EPG5: variants seen among roughly 807,000 people sequenced by gnomAD.
EPG5 encodes the protein ectopic P granules protein 5 homolog.
A neutral mutation model predicts 302.7 loss-of-function variants in EPG5; 159 were observed. That is an observed-to-expected ratio of 0.53 (90% CI 0.46 to 0.60). The LOEUF (loss-of-function observed/expected upper bound fraction) is 0.60. Ranked by LOEUF, EPG5 falls within the 20% of genes least tolerant of loss-of-function variation. The pLI is 0.00. For missense variants in EPG5, 2,896 were observed against 3,092.4 expected (o/e 0.94, Z 1.51); for synonymous variants, 1,158 against 1,136.8 (o/e 1.02, Z -0.37).
At chr18:45,812,791 A>T in the EPG5 span, among the ~76,000 whole-genome samples, 1 of 152,194 alleles carries the variant, frequency 6.6e-6, no homozygotes, top group East Asian at 1.9e-4. Context: ...AAGACATAAA[A>T]GTTAGACCTA....
At chr18:45,924,629 A>G (rs1271264237) in intron 14 of EPG5, among the ~76,000 whole-genome samples, 1 of 152,248 alleles carries the variant, frequency 6.6e-6, no homozygotes, top group Non-Finnish European at 1.5e-5. Context: ...GTCTTTTAAC[A>G]GTGAAAATCA....
chr18:45,825,761 G>T, the EPG5 span: 1 of 1,614,236 alleles, frequency 6.2e-7, no homozygotes, highest in East Asian at 2.2e-5. Context: ...TGGCCTGCTT[G>T]GCGTGGGTTC....
intron 16 of EPG5, among the ~76,000 whole-genome samples, chr18:45,920,380 A>T (rs1486948164): frequency 6.6e-6 from 1 of 152,240 alleles, no homozygotes; most frequent in Non-Finnish European, 1.5e-5. Context: ...AAGTAACTGT[A>T]AGAGGAACAC....
chr18:45,823,889 T>G, the EPG5 span, among the ~76,000 whole-genome samples: 1 of 152,212 alleles, frequency 6.6e-6, no homozygotes, highest in African/African-American at 2.4e-5. Context: ...GGATGCCAAG[T>G]GGCGCTCTAG....
At chr18:45,800,703 C>T in the EPG5 span, among the ~76,000 whole-genome samples, 1 of 152,216 alleles carries the variant, frequency 6.6e-6, no homozygotes, top group African/African-American at 2.4e-5. Context: ...GTGCTGTCTT[C>T]TCTGCCTGGG....
intron 39 of EPG5, among the ~76,000 whole-genome samples, chr18:45,861,952 A>G (rs2048645107): frequency 6.6e-6 from 1 of 151,972 alleles, no homozygotes; most frequent in African/African-American, 2.4e-5. Flanking sequence ...CCTATTCTAC[A>G]TTTCTTTTTC....
At chr18:45,892,792 A>G (rs536023576) in intron 27 of EPG5, among the ~76,000 whole-genome samples, 5 of 152,350 alleles carry the variant, frequency 3.3e-5, no homozygotes, top group African/African-American at 1.2e-4. Context: ...TTTCCAGGAC[A>G]TTCTTTCCCA....
intron 9 of EPG5, among the ~76,000 whole-genome samples, chr18:45,941,870 T>A (rs911777708): frequency 1.1e-4 from 16 of 152,164 alleles, no homozygotes; most frequent in African/African-American, 3.9e-4. Flanking sequence ...TCACCAGCCA[T>A]CCTCCCTCCC....
At chr18:45,809,054 T>A in the EPG5 span, among the ~76,000 whole-genome samples, 1 of 152,188 alleles carries the variant, frequency 6.6e-6, no homozygotes, top group Non-Finnish European at 1.5e-5. Flanking sequence ...AGACATTTCA[T>A]GCAAATTGAC....
intron 22 of EPG5, among the ~76,000 whole-genome samples, chr18:45,911,597 G>A (rs139353820): frequency 6.5e-4 from 99 of 151,714 alleles, no homozygotes; most frequent in Non-Finnish European, 1.2e-3. Context: ...TGGCCGTGCT[G>A]GGCCAAGTTT....
rs558666974 is a variant in EPG5 at position 45,886,106 on chromosome 18, C to T, written c.5110-1295G>A. On this transcript the variant is annotated intron_variant, in intron 29 of 43. Coordinates refer to ENST00000282041, the MANE Select transcript of EPG5 (RefSeq NM_020964.3). Reference sequence around the variant, plus strand: ...TGATAGCATAAGTAGGTGCAAAATTCCCAGGGAAGGCAGAGTGACTATGTC... The same window carrying T: ...TGATAGCATAAGTAGGTGCAAAATTTCCAGGGAAGGCAGAGTGACTATGTC... Among the ~76,000 whole-genome samples the T allele has an allele frequency of 3.3e-5, 5 of 152,250 alleles. No individual in the cohort carries two copies. The South Asian group carries it at 1.0e-3, about 32-fold the overall frequency.
At chr18:45,824,396 C>T in the EPG5 span, among the ~76,000 whole-genome samples, 23 of 152,072 alleles carry the variant, frequency 1.5e-4, no homozygotes, top group Non-Finnish European at 3.2e-4. Context: ...TTAGTAGAGA[C>T]GGTGTTTCAC....
At chr18:45,837,897 GC>G in the EPG5 span, 11 of 1,504,128 alleles carry the variant, frequency 7.3e-6, no homozygotes, top group South Asian at 1.1e-4. Flanking sequence ...CACGTGACAG[GC>G]GAGGCGGCGT....
chr18:45,920,802 G>A (rs2050138478), intron 16 of EPG5, among the ~76,000 whole-genome samples: 1 of 152,212 alleles, frequency 6.6e-6, no homozygotes, highest in Non-Finnish European at 1.5e-5. Flanking sequence ...ATGAGGTTTA[G>A]GGGGACAAAC....
In EPG5 at chr18:45,851,616, T is replaced by C. The variant is rs1378921655; in HGVS notation, c.*851A>G. ...TTTCAGATATCGAACATGGTGTCTATCAAAGGGTGCAAACTTAGGTGTCGA... is the reference window on the plus strand; with the variant it reads ...TTTCAGATATCGAACATGGTGTCTACCAAAGGGTGCAAACTTAGGTGTCGA... On this transcript the variant is annotated 3_prime_UTR_variant, in exon 44 of 44. Coordinates refer to ENST00000282041, the MANE Select transcript of EPG5 (RefSeq NM_020964.3). The C allele has an allele frequency of 1.3e-5, 2 of 152,198 alleles. No homozygotes were observed. Among genetic ancestry groups the C allele is most frequent in the East Asian group, 1.9e-4 (1 of 5,194 alleles). 9.4% of individuals were successfully genotyped at this position (152,198 alleles called of 1,614,324 possible).
the EPG5 span, among the ~76,000 whole-genome samples, chr18:45,808,507 C>T: frequency 1.3e-5 from 2 of 152,128 alleles, no homozygotes; most frequent in African/African-American, 2.4e-5. Flanking sequence ...AAAGGAAAAC[C>T]TATCAGATTA....
At chr18:45,950,774 T>C (rs2050889994) in intron 4 of EPG5, among the ~76,000 whole-genome samples, 1 of 152,248 alleles carries the variant, frequency 6.6e-6, no homozygotes, top group South Asian at 2.1e-4. Context: ...TTCAGATTTC[T>C]GAATTAGGAA....
the EPG5 span, among the ~76,000 whole-genome samples, chr18:45,824,729 G>A: frequency 6.6e-6 from 1 of 152,058 alleles, no homozygotes; most frequent in East Asian, 1.9e-4. Context: ...AGGGGGACTT[G>A]CACATTTCTA....
downstream of EPG5, among the ~76,000 whole-genome samples, chr18:45,846,064 G>A (rs959152134): frequency 6.6e-6 from 1 of 152,118 alleles, no homozygotes; most frequent in Non-Finnish European, 1.5e-5. Flanking sequence ...GTGGGTGCTT[G>A]GTCCCCCACC....
Sources: allele counts gnomAD v4.1 joint callset (sites outside exome capture counted in the v4.1 genomes callset), GRCh38; gene constraint gnomAD v4.1.1; transcripts MANE v1.5; gene names NCBI Gene and HGNC (gene_info 2026-07-23, HGNC 2026-07-21).